The following PLXDC2 variants were observed in gnomAD, a reference collection of about 807,000 sequenced individuals.
PLXDC2 encodes the protein plexin domain-containing protein 2.
In PLXDC2, 40 loss-of-function variants were observed where a neutral mutation model predicts 68.9. The ratio of observed to expected loss-of-function variants is 0.58; its 90% CI spans 0.45 to 0.76. The LOEUF is 0.76. Among genes scored for constraint, PLXDC2 ranks in the 30% least tolerant of loss-of-function variants. PLXDC2 has a pLI of 0.00. For synonymous variants in PLXDC2, 243 were observed against 234.2 expected (o/e 1.04, Z -0.34); for missense variants, 644 against 661.9 (o/e 0.97, Z 0.30).
chr10:20,131,120 T>C (rs1245943456), intron 4 of PLXDC2, among the ~76,000 whole-genome samples: 1 of 152,050 alleles, frequency 6.6e-6, no homozygotes, highest in East Asian at 1.9e-4. Context: ...TGAGCATCTC[T>C]TTGTTTGGAG....
chr10:20,085,648 C>T (rs1464002065), intron 4 of PLXDC2, among the ~76,000 whole-genome samples: 2 of 152,032 alleles, frequency 1.3e-5, no homozygotes, highest in Non-Finnish European at 2.9e-5. Context: ...TATGGATATG[C>T]GGACCCAAAG....
intron 12 of PLXDC2, among the ~76,000 whole-genome samples, chr10:20,233,537 T>C (rs1835392452): frequency 6.6e-6 from 1 of 152,176 alleles, no homozygotes; most frequent in African/African-American, 2.4e-5. Flanking sequence ...GAAAGTACTA[T>C]TTGTAATCCC....
intron 4 of PLXDC2, among the ~76,000 whole-genome samples, chr10:20,101,235 A>T (rs1180767078): frequency 6.6e-6 from 1 of 152,156 alleles, no homozygotes; most frequent in Non-Finnish European, 1.5e-5. Flanking sequence ...AAGTAGGCGG[A>T]TGGCTCTCAT....
chr10:20,069,099 C>T (rs1836272718), intron 4 of PLXDC2, among the ~76,000 whole-genome samples: 1 of 152,196 alleles, frequency 6.6e-6, no homozygotes, highest in South Asian at 2.1e-4. Flanking sequence ...GAGTCTCTTT[C>T]CTTCACTGAA....
At chr10:19,991,050 C>G (rs1184056046) in intron 1 of PLXDC2, among the ~76,000 whole-genome samples, 1 of 151,970 alleles carries the variant, frequency 6.6e-6, no homozygotes, top group Non-Finnish European at 1.5e-5. Context: ...AGTTCGAGAC[C>G]AGCCTGACCA....
At chr10:20,066,568 T>A (rs1836216444) in intron 3 of PLXDC2, among the ~76,000 whole-genome samples, 1 of 152,238 alleles carries the variant, frequency 6.6e-6, no homozygotes, top group South Asian at 2.1e-4. Context: ...CATTTTAGGG[T>A]TCTTAGTGAC....
intron 1 of PLXDC2, among the ~76,000 whole-genome samples, chr10:19,869,935 C>A (rs1198940078): frequency 1.3e-5 from 2 of 152,104 alleles, no homozygotes; most frequent in Non-Finnish European, 2.9e-5. Context: ...TTTAATAAGT[C>A]ATTATGAGCT....
chr10:20,135,259 C>G (rs1833919268), intron 4 of PLXDC2, among the ~76,000 whole-genome samples: 1 of 152,124 alleles, frequency 6.6e-6, no homozygotes, highest in Admixed American at 6.5e-5. Flanking sequence ...ATGGCCAGTT[C>G]AATGTCTCCA....
chr10:20,100,256 G>T (rs959297517), intron 4 of PLXDC2, among the ~76,000 whole-genome samples: 8 of 152,198 alleles, frequency 5.3e-5, no homozygotes, highest in African/African-American at 1.9e-4. Flanking sequence ...GACATAGCAA[G>T]AATTGAGTCC....
At chr10:20,008,101 A>G (rs1835056108) in intron 2 of PLXDC2, among the ~76,000 whole-genome samples, 1 of 152,218 alleles carries the variant, frequency 6.6e-6, no homozygotes, top group African/African-American at 2.4e-5. Flanking sequence ...TTGTGTTGGC[A>G]TCTTATTTTT....
intron 1 of PLXDC2, among the ~76,000 whole-genome samples, chr10:19,830,261 T>C (rs1836662224): frequency 6.6e-6 from 1 of 152,220 alleles, no homozygotes; most frequent in Admixed American, 6.5e-5. Flanking sequence ...TTAAATATTT[T>C]TCAACAAAAG....
At chr10:20,045,571 T>C (rs1451718115) in intron 2 of PLXDC2, among the ~76,000 whole-genome samples, 1 of 152,180 alleles carries the variant, frequency 6.6e-6, no homozygotes, top group Non-Finnish European at 1.5e-5. Flanking sequence ...AAAATCTATT[T>C]AGAATACTGC....
intron 4 of PLXDC2, among the ~76,000 whole-genome samples, chr10:20,087,453 T>A (rs1833215193): frequency 6.6e-6 from 1 of 152,260 alleles, no homozygotes; most frequent in Admixed American, 6.5e-5. Context: ...ATCATTCTTA[T>A]TCCATTTGCC....
intron 1 of PLXDC2, among the ~76,000 whole-genome samples, chr10:19,977,046 T>C (rs188387623): frequency 7.2e-5 from 11 of 152,350 alleles, no homozygotes; most frequent in African/African-American, 2.6e-4. Context: ...GTCCATCTCA[T>C]GGCATAATAT....
chr10:19,829,154 CTTTTTTTTTTTTTT>C (rs71388870), intron 1 of PLXDC2, among the ~76,000 whole-genome samples: 2 of 94,418 alleles, frequency 2.1e-5, no homozygotes, highest in African/African-American at 4.4e-5. Flanking sequence ...ACGCTTTCCT[CTTTTTTTTTTTTTT>C]TTTTTTTTTT....
chr10:19,851,528 C>T (rs567311945), intron 1 of PLXDC2, among the ~76,000 whole-genome samples: 1 of 152,156 alleles, frequency 6.6e-6, no homozygotes, highest in South Asian at 2.1e-4. Flanking sequence ...TTTCCTTCAG[C>T]TCTTTTCTCT....
Position 20,283,606 on chromosome 10 carries a change from A to G in PLXDC2, c.*3787A>G, listed in dbSNP as rs1180386422. 1 of 152,208 alleles carries G rather than the reference A, an allele frequency of 6.6e-6. No homozygotes were observed. Among genetic ancestry groups the G allele is most frequent in the South Asian group, 2.1e-4 (1 of 4,824 alleles). 9.4% of individuals were successfully genotyped at this position (152,208 alleles called of 1,614,324 possible). A position where few individuals can be genotyped will look rare whatever the true frequency, so the allele number is the denominator to read the frequency against. Reference sequence around the variant, plus strand: ...TCCTTTAGTATTTGTCCCACATGACATCCATCCCATGTATTTATCCACTCT... The same window carrying G: ...TCCTTTAGTATTTGTCCCACATGACGTCCATCCCATGTATTTATCCACTCT... On this transcript the variant is annotated 3_prime_UTR_variant, in exon 14 of 14. Coordinates refer to ENST00000377252, the MANE Select transcript of PLXDC2 (RefSeq NM_032812.9).
At chr10:20,124,753 G>A (rs1418406017) in intron 4 of PLXDC2, among the ~76,000 whole-genome samples, 1 of 152,058 alleles carries the variant, frequency 6.6e-6, no homozygotes, top group Non-Finnish European at 1.5e-5. Flanking sequence ...GGGAGCTTTT[G>A]AGCCAGGATG....
chr10:19,955,859 C>A lies in PLXDC2; in HGVS notation c.113-45916C>A, dbSNP rs146544245. 7.4e-3 allele frequency among the ~76,000 whole-genome samples: 1,119 copies of A among 152,180 alleles called. 14 individuals carry two copies. Among genetic ancestry groups the A allele is most frequent in the African/African-American group, 0.025 (1,024 of 41,516 alleles). On this transcript the variant is annotated intron_variant, in intron 1 of 13. Coordinates refer to ENST00000377252, the MANE Select transcript of PLXDC2 (RefSeq NM_032812.9). The stretch of plus-strand genomic sequence containing the variant: ...CTTTGGGAGGCTGAGGTGGGTGGAT[C>A]ACCTGAGTCAGGAGTTCGAGACCAG...
Sources: allele counts gnomAD v4.1 joint callset (sites outside exome capture counted in the v4.1 genomes callset), GRCh38; gene constraint gnomAD v4.1.1; transcripts MANE v1.5; gene names NCBI Gene and HGNC (gene_info 2026-07-23, HGNC 2026-07-21).